Variants in SUMF2 observed in about 807,000 individuals in gnomAD.
SUMF2 encodes sulfatase modifying factor 2.
A neutral mutation model predicts 44.8 loss-of-function variants in SUMF2; 45 were observed. That is an observed-to-expected ratio of 1.00 (90% CI 0.79 to 1.29). SUMF2 has a LOEUF of 1.29. Ranked by LOEUF, SUMF2 falls within the 50% of genes most tolerant of loss-of-function variation. The pLI, the probability that SUMF2 is intolerant of heterozygous loss-of-function variation, is 0.00. For missense variants in SUMF2, 418 were observed against 389.9 expected (o/e 1.07, Z -0.61); for synonymous variants, 148 against 150.4 (o/e 0.98, Z 0.12).
At chr7:56,068,715 G>GT in intron 2 of SUMF2, 77 bp downstream of exon 2, 1 of 1,275,570 alleles carries the variant, frequency 7.8e-7, no homozygotes, top group Non-Finnish European at 1.0e-6. Context: ...TTTTTTTTTT[G>GT]TTTTTTGAGA....
intron 7 of SUMF2, 54 bp downstream of exon 7, chr7:56,078,240 T>C: frequency 6.3e-7 from 1 of 1,581,528 alleles, no homozygotes; most frequent in Non-Finnish European, 8.7e-7. Flanking sequence ...GTTGGGACCA[T>C]CATGTCTGAG....
intron 6 of SUMF2, 104 bp downstream of exon 6, chr7:56,076,993 C>T: frequency 9.9e-7 from 1 of 1,013,736 alleles, no homozygotes; most frequent in South Asian, 1.7e-5. Context: ...GGTTCTAATG[C>T]AACTGATGAC....
At chr7:56,083,479 C>T (rs1207692580), downstream of SUMF2, 1 of 1,609,688 alleles carries the variant, frequency 6.2e-7, no homozygotes, top group Non-Finnish European at 8.5e-7. Context: ...TTCCTCTGCT[C>T]AGGGTCAGGT....
chr7:56,078,615 G>T, intron 8 of SUMF2, 107 bp downstream of exon 8: 1 of 1,325,026 alleles, frequency 7.5e-7, no homozygotes, highest in Non-Finnish European at 9.9e-7. Flanking sequence ...GTCTGTGTGT[G>T]ATGAGCTGGT....
At position 56,068,433 on chromosome 7, in the gene SUMF2, G is replaced by T. The variant is rs765740512; in HGVS notation, c.68-49G>T. 6 of 1,520,280 alleles carry T rather than the reference G, an allele frequency of 3.9e-6. No individual in the cohort carries two copies. The East Asian group carries it at 1.4e-4, about 35-fold the overall frequency. 94.2% of individuals were successfully genotyped at this position (1,520,280 alleles called of 1,614,324 possible). A position where few individuals can be genotyped will look rare whatever the true frequency, so the allele number is the denominator to read the frequency against. On this transcript the variant is annotated intron_variant, in intron 1 of 8. Coordinates refer to ENST00000434526, the MANE Select transcript of SUMF2 (RefSeq NM_015411.4). ...GCATATGATCCAAATATTACCACTTGTTTTATATATATGCATGTATTACTG... is the reference window on the plus strand; with the variant it reads ...GCATATGATCCAAATATTACCACTTTTTTTATATATATGCATGTATTACTG...
downstream of SUMF2, among the ~76,000 whole-genome samples, chr7:56,085,286 T>TG (rs1490817731): frequency 6.6e-6 from 1 of 151,810 alleles, no homozygotes; most frequent in Non-Finnish European, 1.5e-5. Flanking sequence ...TTTGTAGAGA[T>TG]GGGGTCTCAC....
At chr7:56,083,343 T>A (rs1189975809), downstream of SUMF2, 1 of 1,614,140 alleles carries the variant, frequency 6.2e-7, no homozygotes, top group African/African-American at 1.3e-5. Context: ...GATGTTCATG[T>A]TGTCATCCAA....
intron 8 of SUMF2, 173 bp from the exon 9 acceptor site, chr7:56,079,355 C>A: frequency 1.5e-6 from 1 of 659,724 alleles, no homozygotes; most frequent in Non-Finnish European, 2.6e-6. Context: ...TCTCCCAGGA[C>A]TGGCACAGGC....
intron 2 of SUMF2, among the ~76,000 whole-genome samples, chr7:56,069,604 T>C (rs924154080): frequency 6.6e-6 from 1 of 152,030 alleles, no homozygotes; most frequent in Non-Finnish European, 1.5e-5. Context: ...ATTATTGTTA[T>C]TGTTATTATT....
At chr7:56,084,089 G>T, downstream of SUMF2, 1 of 915,332 alleles carries the variant, frequency 1.1e-6, no homozygotes, top group Non-Finnish European at 1.7e-6. Flanking sequence ...TCCAGGCCAG[G>T]ATGGCTAGAA....
intron 2 of SUMF2, among the ~76,000 whole-genome samples, chr7:56,072,704 C>T (rs190258587): frequency 2.1e-3 from 323 of 152,248 alleles, no homozygotes; most frequent in Middle Eastern, 6.8e-3. Context: ...GCCTGGGCGA[C>T]AGAGTGAGAC....
chr7:56,072,063 G>GTGT (rs1795195492), intron 2 of SUMF2, among the ~76,000 whole-genome samples: 2 of 146,808 alleles, frequency 1.4e-5, no homozygotes, highest in Admixed American at 6.9e-5. Context: ...AGCTGAGATT[G>GTGT]CACCACTGCA....
intron 5 of SUMF2, 147 bp from the exon 6 acceptor site, chr7:56,076,687 G>A (rs1795573751): frequency 3.0e-6 from 2 of 672,002 alleles, no homozygotes; most frequent in East Asian, 5.9e-5. Flanking sequence ...TGGAGAGGAT[G>A]GGCATGGCAA....
intron 5 of SUMF2, among the ~76,000 whole-genome samples, chr7:56,076,175 C>T (rs1051103290): frequency 3.9e-5 from 6 of 152,136 alleles, no homozygotes; most frequent in East Asian, 3.9e-4. Context: ...TACAGGCGCC[C>T]GCCACCTCGC....
At chr7:56,081,721 C>A (rs751430603), downstream of SUMF2, 8 of 1,613,932 alleles carry the variant, frequency 5.0e-6, no homozygotes, top group Non-Finnish European at 6.8e-6. This position sits in a 1 kb window ranked among gnomAD's most constrained non-coding sequence, Gnocchi z 4.6. Context: ...CGCTGTGTAG[C>A]GGTTCTGGGG....
In SUMF2 at chr7:56,080,337, C is replaced by T. The variant is rs1375225377; in HGVS notation, c.*725C>T. ...CTAGAGTGCACTGGTGATCACGGCT[C>T]ACTCTAGCCTTGAATTCCTGGGCCC... On this transcript the variant is annotated 3_prime_UTR_variant, in exon 9 of 9. Coordinates refer to ENST00000434526, the MANE Select transcript of SUMF2 (RefSeq NM_015411.4). 6.5e-6 allele frequency: 1 copy of T among 152,764 alleles called. No individual in the cohort carries two copies. Among genetic ancestry groups the T allele is most frequent in the Non-Finnish European group, 1.4e-5 (1 of 71,098 alleles). The allele number at this position is 152,764 out of a possible 1,614,324, so 9.5% of individuals were successfully genotyped here.
At position 56,078,353 on chromosome 7, in the gene SUMF2, TG is replaced by T. The variant is rs1795717725; in HGVS notation, c.677-7del. On this transcript the variant is annotated splice_polypyrimidine_tract_variant and intron_variant, in intron 7 of 8. Transcript: ENST00000434526. The stretch of plus-strand genomic sequence containing the variant: ...GTCCCAGCCTGGCCTGACCCGCCGG[TG>T]GGGCTGCAGGGCTCTATGACCTCCT... The T allele has an allele frequency of 6.3e-7, 1 of 1,585,946 alleles. No homozygotes were observed.
At position 56,077,819 on chromosome 7, in the gene SUMF2, G is replaced by A. The variant is rs373787372; in HGVS notation, c.592-283G>A. On this transcript the variant is annotated intron_variant, in intron 6 of 8. Coordinates refer to ENST00000434526, the MANE Select transcript of SUMF2 (RefSeq NM_015411.4). Reference sequence around the variant, plus strand: ...TGTGGCATGTGGGGTTCCAGGCAGAGGGCAGGATGTTGCTGAGAGTGGAGA... The same window carrying A: ...TGTGGCATGTGGGGTTCCAGGCAGAAGGCAGGATGTTGCTGAGAGTGGAGA... 5.9e-5 allele frequency among the ~76,000 whole-genome samples: 9 copies of A among 152,176 alleles called. No individual in the cohort carries two copies. In the East Asian group the frequency reaches 1.8e-3, roughly 30 times the overall value.
In SUMF2 at chr7:56,074,395, A is replaced by G. The variant is rs1254532008; in HGVS notation, c.384+177A>G. The G allele has an allele frequency of 6.2e-6, 6 of 975,062 alleles. No individual in the cohort carries two copies. The East Asian group carries it at 1.5e-4, about 25-fold the overall frequency. 60.4% of individuals were successfully genotyped at this position (975,062 alleles called of 1,614,324 possible). ...ACCTGCCCGAATCCTGTTTCCTGTT[A>G]CCCATCCATTTCTCCCTTCAGCCTC... is the stretch of plus-strand genomic sequence containing the variant. On this transcript the variant is annotated intron_variant, in intron 4 of 8. Coordinates refer to ENST00000434526, the MANE Select transcript of SUMF2 (RefSeq NM_015411.4).
Sources: gnomAD v4.1 joint callset for allele counts (sites outside exome capture counted in the v4.1 genomes callset) on GRCh38, gnomAD v4.1.1 for gene constraint, Gnocchi (gnomAD v3.1) non-coding constraint, MANE v1.5 for transcripts, NCBI Gene and HGNC (gene_info 2026-07-23, HGNC 2026-07-21) for gene names.